The following PTPRD variants were observed in gnomAD, a reference collection of about 807,000 sequenced individuals.
The protein encoded by PTPRD is protein tyrosine phosphatase receptor type D, also known as receptor-type tyrosine-protein phosphatase delta.
PTPRD carries 34 observed loss-of-function variants against 214.5 expected under a neutral mutation model. The ratio of observed to expected loss-of-function variants is 0.16; its 90% CI spans 0.12 to 0.21. PTPRD has a LOEUF of 0.21. Ranked by LOEUF, PTPRD falls within the 10% of genes least tolerant of loss-of-function variation. The pLI is 1.00. For missense variants in PTPRD, 2,545 were observed against 2,398.7 expected, an observed-to-expected ratio of 1.06 and a Z score of -1.27; for synonymous variants, 1,128 against 845.7, an observed-to-expected ratio of 1.33 and a Z score of -5.79.
At chr9:9,271,405 T>C (rs753571660) in intron 9 of PTPRD, among the ~76,000 whole-genome samples, 2 of 151,314 alleles carry the variant, frequency 1.3e-5, no homozygotes, top group Non-Finnish European at 3.0e-5. Context: ...AGACCAGTTA[T>C]AACCAAAAAT....
At chr9:10,361,005 G>A (rs572154320) in intron 2 of PTPRD, among the ~76,000 whole-genome samples, 2 of 152,110 alleles carry the variant, frequency 1.3e-5, no homozygotes, top group Admixed American at 1.3e-4. Context: ...GGGAGGCTGA[G>A]GCAGGAGAAT....
intron 5 of PTPRD, among the ~76,000 whole-genome samples, chr9:9,915,778 G>A (rs936058229): frequency 1.3e-5 from 2 of 151,862 alleles, no homozygotes; most frequent in South Asian, 2.1e-4. Context: ...AAGCATTCAA[G>A]AAAAAAGGTG....
chr9:10,443,869 G>A (rs990489028), intron 2 of PTPRD, among the ~76,000 whole-genome samples: 5 of 146,536 alleles, frequency 3.4e-5, no homozygotes, highest in African/African-American at 7.9e-5. Context: ...ACACACAAAT[G>A]TTTTTCCAAC....
chr9:9,496,902 A>G (rs1031070096), intron 8 of PTPRD, among the ~76,000 whole-genome samples: 49 of 152,308 alleles, frequency 3.2e-4, no homozygotes, highest in Non-Finnish European at 2.2e-4. Flanking sequence ...ATAAAATAGA[A>G]TATCATTCAG....
intron 14 of PTPRD, among the ~76,000 whole-genome samples, chr9:8,612,621 C>T (rs969046302): frequency 3.3e-5 from 5 of 152,144 alleles, no homozygotes; most frequent in African/African-American, 1.2e-4. Context: ...CCACATGCTT[C>T]GAACTTGGAC....
rs188102988 is a variant in PTPRD, at chr9:10,542,939, T to G, written c.-600+69459A>C. Reference sequence around the variant, plus strand: ...TATTTGTATTTAATTTTAGTAGAGATGGGGTGTCTCCATGTTGGTCGCACT... The same window carrying G: ...TATTTGTATTTAATTTTAGTAGAGAGGGGGTGTCTCCATGTTGGTCGCACT... On this transcript the variant is annotated intron_variant, in intron 2 of 45. Transcript: ENST00000381196. Among the ~76,000 whole-genome samples the G allele has an allele frequency of 8.1e-4, 123 of 152,216 alleles. 4 individuals carry two copies. The East Asian group carries it at 0.022, about 27-fold the overall frequency.
At chr9:8,472,959 G>A (rs1200904199) in intron 30 of PTPRD, among the ~76,000 whole-genome samples, 2 of 152,226 alleles carry the variant, frequency 1.3e-5, no homozygotes, top group Admixed American at 6.5e-5. Flanking sequence ...GATATGGGGG[G>A]AAATAAACCA....
rs1247714234 is a variant in PTPRD, at chr9:8,523,600, G to A, written c.680-76C>T. 2.0e-6 allele frequency: 3 copies of A among 1,534,376 alleles called. No homozygotes were observed. The African/African-American group carries it at 4.1e-5, about 21-fold the overall frequency. On this transcript the variant is annotated intron_variant, in intron 18 of 45. Transcript: ENST00000381196. ...GAAAAACAAGGGAAACACAGAGAGA[G>A]TAAAAAGGCCATATCAAGGCTTTCA...
intron 7 of PTPRD, among the ~76,000 whole-genome samples, chr9:9,605,482 A>G (rs1006900797): frequency 6.6e-6 from 1 of 151,992 alleles, no homozygotes; most frequent in East Asian, 1.9e-4. Context: ...TGGTTTCTTT[A>G]TATGTTTGCA....
chr9:10,321,016 C>T (rs540263727), intron 3 of PTPRD, among the ~76,000 whole-genome samples: 9 of 151,992 alleles, frequency 5.9e-5, no homozygotes, highest in Admixed American at 1.3e-4. Context: ...TGAGCCACTA[C>T]GCCTAGCCCA....
At chr9:10,361,033 C>T (rs549709049) in intron 2 of PTPRD, among the ~76,000 whole-genome samples, 1 of 152,070 alleles carries the variant, frequency 6.6e-6, no homozygotes, top group Non-Finnish European at 1.5e-5. Context: ...ACACGGGAGG[C>T]GGAGCTTGTA....
chr9:8,503,246 A>G (rs1013015356), intron 23 of PTPRD, among the ~76,000 whole-genome samples: 1 of 152,120 alleles, frequency 6.6e-6, no homozygotes, highest in South Asian at 2.1e-4. Context: ...GAAGGAAATG[A>G]ATCTTTTAAA....
At chr9:9,592,100 A>C (rs2092791797) in intron 7 of PTPRD, among the ~76,000 whole-genome samples, 1 of 152,072 alleles carries the variant, frequency 6.6e-6, no homozygotes, top group Non-Finnish European at 1.5e-5. Context: ...GGACTTAAAA[A>C]TATTTGTTCT....
chr9:9,903,730 G>A (rs930661900), intron 5 of PTPRD, among the ~76,000 whole-genome samples: 5 of 151,998 alleles, frequency 3.3e-5, no homozygotes, highest in African/African-American at 4.8e-5. Flanking sequence ...CCTAGGATCA[G>A]GGATGCCAGG....
chr9:9,265,689 C>CA (rs971283928), intron 9 of PTPRD, among the ~76,000 whole-genome samples: 20 of 148,452 alleles, frequency 1.3e-4, no homozygotes, highest in East Asian at 4.0e-4. Flanking sequence ...CTCAGATTAA[C>CA]AAAAAAAAGC....
chr9:9,207,138 TC>T (rs1206969591), intron 9 of PTPRD, among the ~76,000 whole-genome samples: 1 of 152,204 alleles, frequency 6.6e-6, no homozygotes, highest in East Asian at 1.9e-4. Flanking sequence ...CAAGTTTGAC[TC>T]TTAAGCTTTT....
At chr9:9,452,643 T>A (rs1376730184) in intron 8 of PTPRD, among the ~76,000 whole-genome samples, 1 of 151,290 alleles carries the variant, frequency 6.6e-6, no homozygotes, top group Non-Finnish European at 1.5e-5. Context: ...CTTTGAGCAT[T>A]AAATAGAAAG....
intron 11 of PTPRD, among the ~76,000 whole-genome samples, chr9:8,793,524 C>T (rs1160684973): frequency 6.6e-6 from 1 of 152,130 alleles, no homozygotes. Context: ...TAAGTATATA[C>T]TGTTGTAAGC....
At chr9:10,053,948 G>A (rs765385741) in intron 3 of PTPRD, among the ~76,000 whole-genome samples, 30 of 151,972 alleles carry the variant, frequency 2.0e-4, no homozygotes, top group Non-Finnish European at 3.5e-4. Context: ...TAGTAAAGAC[G>A]AGGTTTCATC....
Sources: gnomAD v4.1 joint callset for allele counts (sites outside exome capture counted in the v4.1 genomes callset) on GRCh38, gnomAD v4.1.1 for gene constraint, MANE v1.5 for transcripts, NCBI Gene and HGNC (gene_info 2026-07-23, HGNC 2026-07-21) for gene names.